Variants in ZCCHC4 observed in about 807,000 individuals in gnomAD.
ZCCHC4 encodes rRNA N(6)-adenosine-methyltransferase ZCCHC4.
ZCCHC4 carries 54 observed loss-of-function variants against 67.7 expected under a neutral mutation model. That is an observed-to-expected ratio of 0.80 (90% confidence interval 0.64 to 1.00). The LOEUF (loss-of-function observed/expected upper bound fraction) is 1.00, where lower values mean the gene tolerates loss of function less well. Ranked by LOEUF, ZCCHC4 falls within the 50% of genes least tolerant of loss-of-function variation. The pLI is 0.00. For synonymous variants in ZCCHC4, 198 were observed against 213.5 expected, an observed-to-expected ratio of 0.93 and a Z score of 0.63; for missense variants, 609 against 617.0, an observed-to-expected ratio of 0.99 and a Z score of 0.14.
intron 5 of ZCCHC4, among the ~76,000 whole-genome samples, chr4:25,339,797 G>A (rs1719636447): frequency 6.6e-6 from 1 of 151,928 alleles, no homozygotes; most frequent in African/African-American, 2.4e-5. Flanking sequence ...CTAATCCAAT[G>A]AGTGTCTATA....
chr4:25,361,321 C>T (rs1720725826), intron 8 of ZCCHC4, among the ~76,000 whole-genome samples: 2 of 152,206 alleles, frequency 1.3e-5, no homozygotes, highest in South Asian at 2.1e-4. Context: ...GCATGTGTCC[C>T]TGCCCAGAGG....
intron 3 of ZCCHC4, among the ~76,000 whole-genome samples, chr4:25,318,498 G>C (rs1272172068): frequency 6.6e-6 from 1 of 151,596 alleles, no homozygotes; most frequent in African/African-American, 2.4e-5. Flanking sequence ...GGGATTACAG[G>C]CACCTGCCAC....
intron 12 of ZCCHC4, 157 bp downstream of exon 12, chr4:25,365,323 G>T: frequency 1.4e-6 from 2 of 1,411,182 alleles, no homozygotes; most frequent in Non-Finnish European, 1.8e-6. Context: ...GGGAGGAGAG[G>T]AAGATGATTC....
intron 12 of ZCCHC4, chr4:25,366,040 C>T: frequency 3.1e-6 from 3 of 977,754 alleles, no homozygotes; most frequent in Non-Finnish European, 3.6e-6. Flanking sequence ...TACCATGTGA[C>T]TATGACTTGT....
chr4:25,336,157 G>C (rs538421984), intron 5 of ZCCHC4, among the ~76,000 whole-genome samples: 1 of 152,146 alleles, frequency 6.6e-6, no homozygotes, highest in Non-Finnish European at 1.5e-5. Context: ...CCTAGAGTTC[G>C]CTTCCCCTCA....
At chr4:25,333,493 C>T in intron 4 of ZCCHC4, 35 bp downstream of exon 4, 1 of 1,604,772 alleles carries the variant, frequency 6.2e-7, no homozygotes, top group Non-Finnish European at 8.5e-7. Flanking sequence ...ATTATCTTCT[C>T]ACCACTATTG....
Position 25,312,887 on chromosome 4 carries a change from G to T in ZCCHC4, c.78G>T (p.Glu26Asp). The T allele has an allele frequency of 1.2e-6, 2 of 1,613,026 alleles. No homozygotes were observed. The change falls in exon 1 of 13, where the codon GAG (glutamate) becomes GAT (aspartate). Residue 26 changes from glutamate to aspartate, a missense_variant. Coordinates refer to ENST00000302874, the MANE Select transcript of ZCCHC4 (RefSeq NM_024936.3). ...SAGCRGSSGM[E>D]VVLPLDPAVP... Reference sequence around the variant, plus strand: ...GGTGCCGGGGAAGCTCGGGAATGGAGGTGGTGCTTCCTTTGGATCCTGCCG... The same window carrying T: ...GGTGCCGGGGAAGCTCGGGAATGGATGTGGTGCTTCCTTTGGATCCTGCCG...
At chr4:25,363,662 A>G (rs1217128140) in intron 10 of ZCCHC4, among the ~76,000 whole-genome samples, 4 of 152,252 alleles carry the variant, frequency 2.6e-5, no homozygotes, top group East Asian at 1.9e-4. Flanking sequence ...AACAATGTTA[A>G]TACATCTGAT....
At chr4:25,349,184 G>A (rs1051003140) in intron 6 of ZCCHC4, among the ~76,000 whole-genome samples, 1 of 152,104 alleles carries the variant, frequency 6.6e-6, no homozygotes, top group African/African-American at 2.4e-5. Context: ...AGTTTTCATG[G>A]GTAATGAGTT....
intron 3 of ZCCHC4, 66 bp from the exon 4 acceptor site, chr4:25,333,117 A>G (rs572057085): frequency 6.6e-7 from 1 of 1,510,732 alleles, no homozygotes; most frequent in South Asian, 1.3e-5. Context: ...TAAAAATAGC[A>G]AAACACATTG....
intron 8 of ZCCHC4, among the ~76,000 whole-genome samples, chr4:25,356,441 A>T (rs1273873151): frequency 2.0e-5 from 3 of 152,216 alleles, no homozygotes; most frequent in African/African-American, 7.2e-5. Context: ...TTAGCACAAC[A>T]AACCCGCATT....
intron 3 of ZCCHC4, among the ~76,000 whole-genome samples, chr4:25,320,915 T>C (rs1286139044): frequency 6.6e-6 from 1 of 152,252 alleles, no homozygotes; most frequent in Non-Finnish European, 1.5e-5. Flanking sequence ...CAGCTCCTTA[T>C]GGTGAGTGAA....
At position 25,347,454 on chromosome 4, in the gene ZCCHC4, G is replaced by A. The variant is rs565879772; in HGVS notation, c.759+1834G>A. ...TTTATCTTCCCTGAAGAAAAGAGTC[G>A]TCCAGCTCAGGCTTTCCTTACTCTA... On this transcript the variant is annotated intron_variant, in intron 6 of 12. Transcript: ENST00000302874. 8.5e-5 allele frequency among the ~76,000 whole-genome samples: 13 copies of A among 152,294 alleles called. No homozygotes were observed. The East Asian group carries it at 1.2e-3, about 14-fold the overall frequency.
At chr4:25,320,996 C>T (rs751140334) in intron 3 of ZCCHC4, among the ~76,000 whole-genome samples, 2 of 152,258 alleles carry the variant, frequency 1.3e-5, no homozygotes, top group South Asian at 2.1e-4. Flanking sequence ...GCAACTTCTG[C>T]CTTCAGCTAG....
rs58206053 is a variant in ZCCHC4 at position 25,323,551 on chromosome 4, T to C, written c.329+8151T>C. Among the ~76,000 whole-genome samples, 1,433 of 152,310 alleles carry C rather than the reference T, an allele frequency of 9.4e-3. 22 individuals carry two copies. Among genetic ancestry groups the C allele is most frequent in the African/African-American group, 0.031 (1,305 of 41,558 alleles). On this transcript the variant is annotated intron_variant, in intron 3 of 12. Coordinates refer to ENST00000302874, the MANE Select transcript of ZCCHC4 (RefSeq NM_024936.3). ...TGATGGGGGTTGTATGTAGGGTGAC[T>C]GTAGAATTTAAATCCAGACCCAGAT...
At chr4:25,317,704 C>CAAAAAA (rs778867924) in intron 3 of ZCCHC4, among the ~76,000 whole-genome samples, 757 of 68,898 alleles carry the variant, frequency 0.011, no homozygotes, top group Non-Finnish European at 0.014. Flanking sequence ...GACGCTGTCA[C>CAAAAAA]AAAAAAAAAA....
At chr4:25,366,409 G>T (rs1195102454) in intron 12 of ZCCHC4, 1 of 413,340 alleles carries the variant, frequency 2.4e-6, no homozygotes, top group Admixed American at 6.6e-5. Context: ...TCCGCCTCCC[G>T]GGTTCATGCC....
intron 8 of ZCCHC4, among the ~76,000 whole-genome samples, chr4:25,354,131 G>A (rs549552575): frequency 2.0e-5 from 3 of 151,866 alleles, no homozygotes; most frequent in Admixed American, 2.0e-4. Context: ...TTTTCACTAT[G>A]GGCAAGAGTT....
chr4:25,352,087 G>A, intron 8 of ZCCHC4: 1 of 989,572 alleles, frequency 1.0e-6, no homozygotes, highest in East Asian at 1.1e-4. Flanking sequence ...ATATAGAAAA[G>A]TAAATCACCT....
Sources: gnomAD v4.1 joint callset for allele counts (sites outside exome capture counted in the v4.1 genomes callset) on GRCh38, gnomAD v4.1.1 for gene constraint, MANE v1.5 for transcripts, NCBI Gene and HGNC (gene_info 2026-07-23, HGNC 2026-07-21) for gene names.